LSAMP: variants seen among roughly 807,000 people sequenced by gnomAD.
The protein encoded by LSAMP is limbic system associated membrane protein.
Under a neutral mutation model 38.6 loss-of-function variants are expected in LSAMP, and 7 were observed. The observed-to-expected ratio is 0.18, with a 90% CI of 0.10 to 0.34. LSAMP has a LOEUF of 0.34. LSAMP is among the 10% of genes least tolerant of loss of function. The pLI is 1.00. For missense variants in LSAMP, 313 were observed against 420.0 expected, an observed-to-expected ratio of 0.75 and a Z score of 2.23; for synonymous variants, 154 against 166.8, an observed-to-expected ratio of 0.92 and a Z score of 0.59.
chr3:115,877,292 A>C, intron 3 of LSAMP, among the ~76,000 whole-genome samples: 1 of 150,600 alleles, frequency 6.6e-6, no homozygotes. Context: ...CCTCCCTCCC[A>C]CCCTCATGCC....
chr3:116,072,751 G>GTTTTTTTTT (rs1559731710), intron 2 of LSAMP, among the ~76,000 whole-genome samples: 1 of 118,706 alleles, frequency 8.4e-6, no homozygotes, highest in Non-Finnish European at 1.8e-5. Context: ...GGTTGTTTGT[G>GTTTTTTTTT]GTTTTTTTTT....
intron 1 of LSAMP, among the ~76,000 whole-genome samples, chr3:116,280,340 C>A (rs1049286790): frequency 6.6e-6 from 1 of 152,140 alleles, no homozygotes; most frequent in Non-Finnish European, 1.5e-5. Flanking sequence ...CCTGAGCAGA[C>A]CTGAAGAGAC....
intron 1 of LSAMP, among the ~76,000 whole-genome samples, chr3:116,087,828 T>C (rs1708025098): frequency 6.6e-6 from 1 of 152,164 alleles, no homozygotes; most frequent in South Asian, 2.1e-4. Flanking sequence ...ACTCCATTTA[T>C]GGTATAATAC....
At position 116,220,185 on chromosome 3, in the gene LSAMP, A is replaced by AACACAC. The variant is rs3974285; in HGVS notation, c.156-133635_156-133630dup. 4.4e-3 allele frequency among the ~76,000 whole-genome samples: 623 copies of AACACAC among 141,416 alleles called. 5 individuals are homozygous for AACACAC. Among genetic ancestry groups the AACACAC allele is most frequent in the Middle Eastern group, 0.015 (4 of 274 alleles). The allele number at this position is 141,416 out of a possible 152,430, so 92.8% of individuals were successfully genotyped here. A position where few individuals can be genotyped will look rare whatever the true frequency, so the allele number is the denominator to read the frequency against. On this transcript the variant is annotated intron_variant, in intron 1 of 6. Coordinates refer to ENST00000490035, the MANE Select transcript of LSAMP (RefSeq NM_002338.5). Reference sequence around the variant, plus strand: ...GTGACAGAGTGAGACTCCATCTCAAAACACACACACACACACACACACACA... The same window carrying AACACAC: ...GTGACAGAGTGAGACTCCATCTCAAAACACACACACACACACACACACACACACACA...
intron 1 of LSAMP, among the ~76,000 whole-genome samples, chr3:116,128,794 G>A (rs1709063543): frequency 6.6e-6 from 1 of 152,064 alleles, no homozygotes; most frequent in African/African-American, 2.4e-5. Flanking sequence ...AGTAGAATAA[G>A]AACACAATGC....
chr3:116,324,074 T>C (rs1326056349), intron 1 of LSAMP, among the ~76,000 whole-genome samples: 2 of 152,210 alleles, frequency 1.3e-5, no homozygotes, highest in African/African-American at 4.8e-5. Context: ...ACTATGACAA[T>C]TGACATTTGG....
chr3:115,978,618 C>T (rs547076976), intron 3 of LSAMP, among the ~76,000 whole-genome samples: 1 of 151,594 alleles, frequency 6.6e-6, no homozygotes, highest in Admixed American at 6.6e-5. Flanking sequence ...ACAAACTATC[C>T]TACAGTGATT....
chr3:116,356,197 C>G (rs1191852939), intron 1 of LSAMP, among the ~76,000 whole-genome samples: 1 of 151,994 alleles, frequency 6.6e-6, no homozygotes, highest in African/African-American at 2.4e-5. Flanking sequence ...CATCAACAGA[C>G]AAGTAGATAA....
intron 3 of LSAMP, among the ~76,000 whole-genome samples, chr3:115,920,475 T>C (rs960152129): frequency 2.0e-5 from 3 of 152,234 alleles, no homozygotes; most frequent in Admixed American, 6.5e-5. Context: ...TTGAACATCT[T>C]ACATATACCT....
intron 6 of LSAMP, among the ~76,000 whole-genome samples, chr3:115,838,936 C>T (rs1283543366): frequency 6.6e-6 from 1 of 152,188 alleles, no homozygotes; most frequent in Admixed American, 6.5e-5. Flanking sequence ...CTCTGGGTCT[C>T]TACCTGCTGC....
At chr3:116,219,946 G>A (rs959795733) in intron 1 of LSAMP, among the ~76,000 whole-genome samples, 1 of 152,118 alleles carries the variant, frequency 6.6e-6, no homozygotes, top group Non-Finnish European at 1.5e-5. Context: ...AGGCCAAAAT[G>A]GGTGGATCAC....
chr3:116,156,987 T>C (rs1231271366), intron 1 of LSAMP, among the ~76,000 whole-genome samples: 1 of 152,144 alleles, frequency 6.6e-6, no homozygotes, highest in Non-Finnish European at 1.5e-5. Flanking sequence ...AGGACTCTAA[T>C]GATTGAGTAG....
intron 1 of LSAMP, among the ~76,000 whole-genome samples, chr3:116,263,524 T>G (rs1278164259): frequency 7.0e-6 from 1 of 143,184 alleles, no homozygotes; most frequent in African/African-American, 2.7e-5. Context: ...AGTGACAGAG[T>G]AAGACTTTGT....
Position 115,993,385 on chromosome 3 carries a change from G to C in LSAMP, c.514+26130C>G, listed in dbSNP as rs1207370467. Among the ~76,000 whole-genome samples the C allele has an allele frequency of 9.9e-5, 15 of 152,152 alleles. No homozygotes were observed. In the South Asian group the frequency reaches 1.2e-3, roughly 13 times the overall value. On this transcript the variant is annotated intron_variant, in intron 3 of 6. Transcript: ENST00000490035. ...GTGGCGTATTCATCCTCTCTTTAGT[G>C]CATCTAGGAGAAAGAATTTAGTATT...
At chr3:116,358,510 T>A (rs2048256142) in intron 1 of LSAMP, among the ~76,000 whole-genome samples, 1 of 152,112 alleles carries the variant, frequency 6.6e-6, no homozygotes, top group East Asian at 1.9e-4. Flanking sequence ...CTCCCCACAC[T>A]TGGACGGAAG....
chr3:116,057,957 C>CACCCA (rs1553699978), intron 2 of LSAMP, among the ~76,000 whole-genome samples: 2 of 117,482 alleles, frequency 1.7e-5, no homozygotes, highest in African/African-American at 2.8e-5. Flanking sequence ...ACACACACAC[C>CACCCA]CACACACACA....
chr3:115,833,588 A>G (rs569369023), intron 6 of LSAMP, among the ~76,000 whole-genome samples: 1 of 152,324 alleles, frequency 6.6e-6, no homozygotes, highest in East Asian at 1.9e-4. Context: ...ACAAGTTTGC[A>G]AGAGTTTATA....
At chr3:115,949,793 AG>A (rs1313862867) in intron 3 of LSAMP, among the ~76,000 whole-genome samples, 1 of 152,050 alleles carries the variant, frequency 6.6e-6, no homozygotes, top group Non-Finnish European at 1.5e-5. Flanking sequence ...AAAAAAAAAA[AG>A]AAAACTACAG....
At chr3:116,141,397 T>G (rs1192936617) in intron 1 of LSAMP, among the ~76,000 whole-genome samples, 1 of 136,794 alleles carries the variant, frequency 7.3e-6, no homozygotes, top group Non-Finnish European at 1.6e-5. Flanking sequence ...TAGAGAAAGG[T>G]GAAAATGTAA....
Sources: gnomAD v4.1 joint callset for allele counts (sites outside exome capture counted in the v4.1 genomes callset) on GRCh38, gnomAD v4.1.1 for gene constraint, MANE v1.5 for transcripts, NCBI Gene and HGNC (gene_info 2026-07-23, HGNC 2026-07-21) for gene names.